The following COL28A1 variants were observed in gnomAD, a reference collection of about 807,000 sequenced individuals.
The protein encoded by COL28A1 is collagen type XXVIII alpha 1 chain.
Under a neutral mutation model 150.2 loss-of-function variants are expected in COL28A1, and 161 were observed. That is an observed-to-expected ratio of 1.07 (90% CI 0.94 to 1.22). The LOEUF is 1.22. Among genes scored for constraint, COL28A1 ranks in the 50% most tolerant of loss-of-function variants. The probability of loss-of-function intolerance (pLI) is 0.00; values close to 1 mark genes in which losing one functional copy is unlikely to be tolerated. For missense variants in COL28A1, 1,617 were observed against 1,388.3 expected (o/e 1.16, Z -2.62); for synonymous variants, 552 against 469.7 (o/e 1.18, Z -2.26).
At chr7:7,434,977 G>T (rs539506207) in intron 23 of COL28A1, among the ~76,000 whole-genome samples, 11 of 152,214 alleles carry the variant, frequency 7.2e-5, no homozygotes, top group African/African-American at 2.6e-4. Flanking sequence ...TAAATCTTCC[G>T]TCAGACCTTC....
chr7:7,455,911 C>A, intron 16 of COL28A1, 133 bp downstream of exon 16: 1 of 1,241,718 alleles, frequency 8.1e-7, no homozygotes, highest in Non-Finnish European at 1.1e-6. Flanking sequence ...CCTATATTCA[C>A]TTCTGGACTT....
At chr7:7,475,485 G>A (rs1788788497) in intron 14 of COL28A1, among the ~76,000 whole-genome samples, 1 of 152,126 alleles carries the variant, frequency 6.6e-6, no homozygotes, top group South Asian at 2.1e-4. Flanking sequence ...CACGGAACAC[G>A]ATGTGTTCTT....
At chr7:7,382,713 C>T (rs911014910) in intron 27 of COL28A1, among the ~76,000 whole-genome samples, 1 of 152,284 alleles carries the variant, frequency 6.6e-6, no homozygotes, top group East Asian at 1.9e-4. Flanking sequence ...GTTTTCAAAA[C>T]TATCCTGATC....
intron 27 of COL28A1, among the ~76,000 whole-genome samples, chr7:7,383,289 T>TGCG (rs143750254): frequency 2.2e-5 from 2 of 92,446 alleles, no homozygotes; most frequent in Non-Finnish European, 4.0e-5. Flanking sequence ...TGTGTGTGTG[T>TGCG]TTTTTTTGAG....
chr7:7,501,732 G>A (rs1452081687), intron 11 of COL28A1, among the ~76,000 whole-genome samples: 1 of 152,092 alleles, frequency 6.6e-6, no homozygotes, highest in Admixed American at 6.5e-5. Flanking sequence ...GAGCCACCAT[G>A]ACAGCCCCAT....
intron 27 of COL28A1, among the ~76,000 whole-genome samples, chr7:7,395,520 G>A (rs1265080988): frequency 6.6e-6 from 1 of 152,160 alleles, no homozygotes; most frequent in Non-Finnish European, 1.5e-5. Flanking sequence ...AGAAGCTTGG[G>A]TTTCTCCTCC....
chr7:7,355,831 T>G (rs1780338832), downstream of COL28A1, among the ~76,000 whole-genome samples: 1 of 152,172 alleles, frequency 6.6e-6, no homozygotes, highest in South Asian at 2.1e-4. Context: ...ATCCTACTTT[T>G]GGGGAATATA....
chr7:7,420,149 A>C, intron 25 of COL28A1, 196 bp from the exon 26 acceptor site: 1 of 375,082 alleles, frequency 2.7e-6, no homozygotes, highest in Non-Finnish European at 4.7e-6. Flanking sequence ...AAATTAATCA[A>C]GTCAATTAAC....
intron 25 of COL28A1, among the ~76,000 whole-genome samples, chr7:7,426,384 C>A (rs932221690): frequency 2.6e-5 from 4 of 152,198 alleles, no homozygotes; most frequent in African/African-American, 9.7e-5. Flanking sequence ...GAATACCTCA[C>A]TCGTGGTAGC....
At chr7:7,453,091 C>A (rs1786842009) in intron 17 of COL28A1, among the ~76,000 whole-genome samples, 1 of 152,148 alleles carries the variant, frequency 6.6e-6, no homozygotes, top group South Asian at 2.1e-4. Context: ...AGTAGTTGCA[C>A]CTACTGTCAG....
the COL28A1 span, among the ~76,000 whole-genome samples, chr7:7,341,592 C>A: frequency 1.3e-5 from 2 of 151,928 alleles, no homozygotes; most frequent in African/African-American, 4.8e-5. Context: ...TAATTTTCAG[C>A]CTTTTTTGCT....
At chr7:7,364,303 T>C (rs1241674383) in intron 33 of COL28A1, among the ~76,000 whole-genome samples, 1 of 152,208 alleles carries the variant, frequency 6.6e-6, no homozygotes, top group African/African-American at 2.4e-5. Flanking sequence ...TATAAGCTCA[T>C]TTGTCTAAAT....
chr7:7,344,840 C>T, the COL28A1 span, among the ~76,000 whole-genome samples: 21 of 152,028 alleles, frequency 1.4e-4, no homozygotes, highest in African/African-American at 4.8e-4. Flanking sequence ...AGGCTGAACG[C>T]TTTTTTCTGA....
At position 7,524,156 on chromosome 7, in the gene COL28A1, G is replaced by A. The variant is rs375168270; in HGVS notation, c.702+73C>T. ...ATTTAGTCACACTTAATCTTCTAAT[G>A]TGAATTATAATGCTGATTTGATAAT... On this transcript the variant is annotated intron_variant, in intron 4 of 34. Transcript: ENST00000399429. 58 of 851,330 alleles carry A rather than the reference G, an allele frequency of 6.8e-5. No homozygotes were observed. In the African/African-American group the frequency reaches 7.9e-4, roughly 12 times the overall value. 52.7% of individuals were successfully genotyped at this position (851,330 alleles called of 1,614,324 possible). A position where few individuals can be genotyped will look rare whatever the true frequency, so the allele number is the denominator to read the frequency against.
chr7:7,474,224 T>C (rs1293893651), intron 15 of COL28A1, among the ~76,000 whole-genome samples: 2 of 151,886 alleles, frequency 1.3e-5, no homozygotes, highest in African/African-American at 4.8e-5. Flanking sequence ...CTCACTCATA[T>C]GTGGGAGCTA....
At chr7:7,443,244 G>A (rs1298386902) in intron 20 of COL28A1, among the ~76,000 whole-genome samples, 1 of 152,162 alleles carries the variant, frequency 6.6e-6, no homozygotes, top group Non-Finnish European at 1.5e-5. Flanking sequence ...CTTATTGCAT[G>A]AGATTTTATA....
chr7:7,436,857 T>C (rs900908411), intron 22 of COL28A1, among the ~76,000 whole-genome samples: 2 of 152,076 alleles, frequency 1.3e-5, no homozygotes, highest in Non-Finnish European at 2.9e-5. Context: ...CCGGCCAACA[T>C]GGCAAAACCC....
chr7:7,410,345 G>A lies in COL28A1; in HGVS notation c.2136+7514C>T, dbSNP rs12333776. Among the ~76,000 whole-genome samples, 614 of 152,148 alleles carry A rather than the reference G, an allele frequency of 4.0e-3. 1 individual carries two copies. Among genetic ancestry groups the A allele is most frequent in the African/African-American group, 0.014 (565 of 41,508 alleles). ...CAAGATAATTTTAAGCCACACCCTC[G>A]ACCCCCTGCCACAATTGACTTGGCA... is the stretch of plus-strand genomic sequence containing the variant. On this transcript the variant is annotated intron_variant, in intron 27 of 34. Coordinates refer to ENST00000399429, the MANE Select transcript of COL28A1 (RefSeq NM_001037763.3).
At chr7:7,348,078 A>C in the COL28A1 span, among the ~76,000 whole-genome samples, 10 of 152,194 alleles carry the variant, frequency 6.6e-5, no homozygotes, top group South Asian at 2.1e-4. Flanking sequence ...TAGATTTGAG[A>C]GATTTCTGAG....
Sources: allele counts gnomAD v4.1 joint callset (sites outside exome capture counted in the v4.1 genomes callset), GRCh38; gene constraint gnomAD v4.1.1; transcripts MANE v1.5; gene names NCBI Gene and HGNC (gene_info 2026-07-23, HGNC 2026-07-21).